The following GPM6A variants were observed in gnomAD, a reference collection of about 807,000 sequenced individuals.
The protein encoded by GPM6A is glycoprotein M6A, also known as neuronal membrane glycoprotein M6-a.
GPM6A carries 7 observed loss-of-function variants against 32.1 expected under a neutral mutation model. That is an observed-to-expected ratio of 0.22 (90% confidence interval 0.12 to 0.41). The LOEUF is 0.41. GPM6A is among the 10% of genes least tolerant of loss of function. The pLI is 1.00. For synonymous variants in GPM6A, 130 were observed against 123.4 expected, an observed-to-expected ratio of 1.05 and a Z score of -0.35; for missense variants, 235 against 347.2, an observed-to-expected ratio of 0.68 and a Z score of 2.57.
At chr4:175,661,434 CAAAAA>C (rs3032612) in intron 3 of GPM6A, among the ~76,000 whole-genome samples, 2 of 111,874 alleles carry the variant, frequency 1.8e-5, no homozygotes, top group Non-Finnish European at 1.7e-5. Context: ...GACTCTGTCT[CAAAAA>C]AAAAAAAAAA....
At chr4:175,780,200 C>T (rs1385741029) in intron 1 of GPM6A, among the ~76,000 whole-genome samples, 5 of 151,848 alleles carry the variant, frequency 3.3e-5, no homozygotes, top group Non-Finnish European at 7.4e-5. Context: ...TGTGCCTGCC[C>T]CCACGCCCAG....
chr4:175,700,866 A>G (rs1247729114), intron 2 of GPM6A, among the ~76,000 whole-genome samples: 1 of 152,210 alleles, frequency 6.6e-6, no homozygotes. Context: ...CGTTTCTAGA[A>G]TTCAATCCCA....
At chr4:175,892,785 C>T (rs1201692301) in intron 1 of GPM6A, among the ~76,000 whole-genome samples, 1 of 152,196 alleles carries the variant, frequency 6.6e-6, no homozygotes, top group African/African-American at 2.4e-5. Flanking sequence ...ACTTCAACTA[C>T]TTCCTCTTGC....
At chr4:175,737,565 A>G (rs1483031397) in intron 1 of GPM6A, among the ~76,000 whole-genome samples, 1 of 152,230 alleles carries the variant, frequency 6.6e-6, no homozygotes, top group Admixed American at 6.5e-5. Context: ...TTTGAGAATT[A>G]CTTATTTATA....
chr4:175,961,939 G>A, intron 1 of GPM6A: 1 of 465,724 alleles, frequency 2.1e-6, no homozygotes, highest in African/African-American at 2.0e-5. Flanking sequence ...GGACAGGACA[G>A]GACAGTGCTG....
At chr4:175,984,494 T>C (rs1320909603) in intron 1 of GPM6A, among the ~76,000 whole-genome samples, 1 of 152,126 alleles carries the variant, frequency 6.6e-6, no homozygotes, top group African/African-American at 2.4e-5. Flanking sequence ...TCATTTTCTA[T>C]TGTATCATTT....
intron 1 of GPM6A, among the ~76,000 whole-genome samples, chr4:175,953,842 TGAGCC>T (rs1331706662): frequency 6.6e-6 from 1 of 152,140 alleles, no homozygotes; most frequent in Non-Finnish European, 1.5e-5. Flanking sequence ...GGGGTTGTGA[TGAGCC>T]GAGATCGTGC....
At chr4:175,637,310 ATAATATAAAAT>A (rs1740751334) in intron 6 of GPM6A, among the ~76,000 whole-genome samples, 1 of 25,466 alleles carries the variant, frequency 3.9e-5, no homozygotes, top group Admixed American at 8.0e-4. Flanking sequence ...TATATTATAT[ATAATATAAAAT>A]ATATATTATA....
intron 4 of GPM6A, chr4:175,641,189 G>T: frequency 5.1e-6 from 1 of 196,098 alleles, no homozygotes; most frequent in Non-Finnish European, 1.0e-5. Flanking sequence ...CTGAAGTCAG[G>T]ATCTAAATTT....
intron 2 of GPM6A, among the ~76,000 whole-genome samples, chr4:175,677,727 C>CTCTCAAAGAACTAGATA (rs1308513979): frequency 1.3e-5 from 2 of 152,052 alleles, no homozygotes; most frequent in Non-Finnish European, 2.9e-5. Flanking sequence ...AAGCATTACA[C>CTCTCAAAGAACTAGATA]TCTCAAAGAA....
intron 1 of GPM6A, among the ~76,000 whole-genome samples, chr4:175,771,551 C>CAAA (rs889739577): frequency 1.2e-4 from 8 of 66,502 alleles, no homozygotes; most frequent in South Asian, 1.2e-3. Flanking sequence ...GACTCTGTCT[C>CAAA]AAAAAAAAAA....
chr4:175,993,011 G>A (rs190393164), intron 1 of GPM6A, among the ~76,000 whole-genome samples: 1 of 152,098 alleles, frequency 6.6e-6, no homozygotes, highest in East Asian at 1.9e-4. Context: ...GGCATTTTCA[G>A]TGTCTGCCTT....
chr4:175,868,171 C>T (rs995745420), intron 1 of GPM6A, among the ~76,000 whole-genome samples: 3 of 152,182 alleles, frequency 2.0e-5, no homozygotes, highest in Non-Finnish European at 2.9e-5. Flanking sequence ...GACTAACTCC[C>T]TGCTTTCACC....
intron 1 of GPM6A, among the ~76,000 whole-genome samples, chr4:175,747,193 C>T (rs964735810): frequency 5.4e-5 from 8 of 148,544 alleles, no homozygotes; most frequent in East Asian, 2.0e-4. Context: ...TCGCTTGAAC[C>T]GAGGTGGCAG....
chr4:175,708,415 C>T (rs1032144269), intron 1 of GPM6A, among the ~76,000 whole-genome samples: 9 of 147,440 alleles, frequency 6.1e-5, no homozygotes, highest in Non-Finnish European at 7.5e-5. Context: ...GATGGAGTTT[C>T]GCTCTTGTTG....
Position 175,922,514 on chromosome 4 carries a change from T to A in GPM6A, c.-23+79795A>T, listed in dbSNP as rs1001469332. Among the ~76,000 whole-genome samples, 7 of 152,282 alleles carry A rather than the reference T, an allele frequency of 4.6e-5. No individual in the cohort carries two copies. The East Asian group carries it at 5.8e-4, about 13-fold the overall frequency. On this transcript the variant is annotated intron_variant, in intron 1 of 7. Coordinates refer to the GPM6A transcript ENST00000280187. The stretch of plus-strand genomic sequence containing the variant: ...TAGATAGAAGCCAAACTGGAAAGGT[T>A]CCCAAAGGCTTCCAGACTTACCTCT...
At chr4:175,807,680 G>A (rs1734748569) in intron 1 of GPM6A, 1 of 152,170 alleles carries the variant, frequency 6.6e-6, no homozygotes. Flanking sequence ...TTCATATCTG[G>A]CAAAGAAAAG....
intron 2 of GPM6A, among the ~76,000 whole-genome samples, chr4:175,696,523 T>G (rs1441456112): frequency 3.3e-5 from 5 of 152,196 alleles, no homozygotes; most frequent in African/African-American, 4.8e-5. Context: ...TGCACACTAT[T>G]TATTATTTCA....
rs530486418 is a variant in GPM6A, at chr4:175,848,337, C to T, written c.-22-36088G>A. 1.7e-4 allele frequency among the ~76,000 whole-genome samples: 26 copies of T among 152,258 alleles called. No homozygotes were observed. The East Asian group carries it at 3.3e-3, about 19-fold the overall frequency. On this transcript the variant is annotated intron_variant, in intron 1 of 7. Transcript: ENST00000280187. The stretch of plus-strand genomic sequence containing the variant: ...CTTTCCATTTACCTCTGAAAGTCAA[C>T]GAAATAAAACTATTTCATTCCTTCT...
Sources: gnomAD v4.1 joint callset for allele counts (sites outside exome capture counted in the v4.1 genomes callset) on GRCh38, gnomAD v4.1.1 for gene constraint, MANE v1.5 for transcripts, NCBI Gene and HGNC (gene_info 2026-07-23, HGNC 2026-07-21) for gene names.